The following SLC2A13 variants were observed in gnomAD, a reference collection of about 807,000 sequenced individuals.
The protein encoded by SLC2A13 is proton myo-inositol cotransporter.
Under a neutral mutation model 64.4 loss-of-function variants are expected in SLC2A13, and 32 were observed. That is an observed-to-expected ratio of 0.50 (90% CI 0.37 to 0.67). The LOEUF (loss-of-function observed/expected upper bound fraction) is 0.67, where lower values mean the gene tolerates loss of function less well. Among genes scored for constraint, SLC2A13 ranks in the 30% least tolerant of loss-of-function variants. The pLI, the probability that SLC2A13 is intolerant of heterozygous loss-of-function variation, is 0.00. For synonymous variants in SLC2A13, 338 were observed against 327.1 expected, an observed-to-expected ratio of 1.03 and a Z score of -0.36; for missense variants, 743 against 829.2, an observed-to-expected ratio of 0.90 and a Z score of 1.28.
At chr12:39,797,742 A>ATACGCG (rs1555237478) in intron 7 of SLC2A13, among the ~76,000 whole-genome samples, 1,774 of 122,778 alleles carry the variant, frequency 0.014, 28 homozygotes, top group East Asian at 0.035. Flanking sequence ...ACACACACAC[A>ATACGCG]CACACACACA....
intron 7 of SLC2A13, among the ~76,000 whole-genome samples, chr12:39,815,802 T>C (rs1382788423): frequency 6.6e-6 from 1 of 152,148 alleles, no homozygotes; most frequent in African/African-American, 2.4e-5. Context: ...ATAAATGTTG[T>C]TTTAGTTGTT....
intron 4 of SLC2A13, among the ~76,000 whole-genome samples, chr12:39,918,982 A>T (rs536061442): frequency 1.6e-4 from 24 of 148,880 alleles, no homozygotes; most frequent in Non-Finnish European, 2.7e-4. Flanking sequence ...ATATCTATAC[A>T]TTTTTTTTTT....
intron 1 of SLC2A13, among the ~76,000 whole-genome samples, chr12:40,089,918 G>A (rs1366834250): frequency 2.6e-5 from 4 of 152,004 alleles, no homozygotes; most frequent in Non-Finnish European, 5.9e-5. Context: ...AGGACTGAGC[G>A]CTTGATTGCA....
intron 1 of SLC2A13, among the ~76,000 whole-genome samples, chr12:40,083,077 T>A (rs1938467853): frequency 6.6e-6 from 1 of 152,158 alleles, no homozygotes; most frequent in African/African-American, 2.4e-5. Context: ...AATAGCAATT[T>A]TCAATAGCTA....
intron 7 of SLC2A13, among the ~76,000 whole-genome samples, chr12:39,779,414 T>G (rs895006552): frequency 1.3e-5 from 2 of 152,140 alleles, no homozygotes; most frequent in Non-Finnish European, 1.5e-5. Context: ...CTGGGTTTTT[T>G]GGGGGACTTT....
At chr12:39,943,836 T>C (rs1222546318) in intron 4 of SLC2A13, among the ~76,000 whole-genome samples, 1 of 152,132 alleles carries the variant, frequency 6.6e-6, no homozygotes, top group Non-Finnish European at 1.5e-5. Context: ...GGAGATTCCC[T>C]TGGGAGCCTA....
At chr12:40,018,340 ACC>A (rs1020389429) in intron 3 of SLC2A13, among the ~76,000 whole-genome samples, 43 of 152,308 alleles carry the variant, frequency 2.8e-4, no homozygotes, top group African/African-American at 9.6e-4. Flanking sequence ...AAGTTTGACA[ACC>A]CCTAGGATAA....
intron 3 of SLC2A13, among the ~76,000 whole-genome samples, chr12:40,010,583 T>C (rs1281985313): frequency 6.6e-6 from 1 of 152,198 alleles, no homozygotes; most frequent in East Asian, 1.9e-4. Flanking sequence ...ATAGAATCCA[T>C]CTAATTTTAA....
chr12:39,790,214 TTC>T (rs760612028), intron 7 of SLC2A13, among the ~76,000 whole-genome samples: 2,076 of 58,162 alleles, frequency 0.036, 38 homozygotes, highest in African/African-American at 0.098. Context: ...TGTTTTTTTT[TTC>T]TTCTTCTTCT....
chr12:39,928,538 C>G (rs1052163861), intron 4 of SLC2A13, among the ~76,000 whole-genome samples: 3 of 152,128 alleles, frequency 2.0e-5, no homozygotes, highest in Non-Finnish European at 2.9e-5. Flanking sequence ...AAATGCGTAA[C>G]TGGTTAAAAA....
At chr12:39,877,657 A>G (rs1944222861) in intron 4 of SLC2A13, among the ~76,000 whole-genome samples, 1 of 152,214 alleles carries the variant, frequency 6.6e-6, no homozygotes, top group Non-Finnish European at 1.5e-5. Context: ...GGACTTGTGG[A>G]AAGATACACT....
At chr12:39,894,295 A>G (rs1280135024) in intron 4 of SLC2A13, among the ~76,000 whole-genome samples, 1 of 152,210 alleles carries the variant, frequency 6.6e-6, no homozygotes, top group African/African-American at 2.4e-5. Context: ...ATTCTAATTC[A>G]CTGAGCACTG....
chr12:40,028,568 C>T, intron 2 of SLC2A13, 59 bp from the exon 3 acceptor site: 1 of 1,530,610 alleles, frequency 6.5e-7, no homozygotes, highest in African/African-American at 1.4e-5. Context: ...CATGTGCTCA[C>T]CACATACTTT....
At chr12:39,984,752 A>G (rs1946997692) in intron 3 of SLC2A13, among the ~76,000 whole-genome samples, 1 of 152,208 alleles carries the variant, frequency 6.6e-6, no homozygotes, top group African/African-American at 2.4e-5. Context: ...CGTCTTGATG[A>G]AAAATGGAGA....
intron 2 of SLC2A13, among the ~76,000 whole-genome samples, chr12:40,036,609 C>CA (rs1461144928): frequency 1.3e-5 from 2 of 152,122 alleles, no homozygotes; most frequent in Non-Finnish European, 2.9e-5. Flanking sequence ...TTAAAAAATT[C>CA]ATTCATATGG....
chr12:40,099,185 A>G (rs1288571014), intron 1 of SLC2A13, among the ~76,000 whole-genome samples: 1 of 152,144 alleles, frequency 6.6e-6, no homozygotes, highest in African/African-American at 2.4e-5. Flanking sequence ...TACATGTGGG[A>G]AAAGTTTGAG....
chr12:40,077,762 A>G (rs1329845194), intron 1 of SLC2A13, among the ~76,000 whole-genome samples: 2 of 152,184 alleles, frequency 1.3e-5, no homozygotes, highest in Non-Finnish European at 2.9e-5. Flanking sequence ...TTTAAACAAT[A>G]TTAACTTTTC....
intron 7 of SLC2A13, among the ~76,000 whole-genome samples, chr12:39,804,934 A>G (rs1941918982): frequency 7.4e-6 from 1 of 135,422 alleles, no homozygotes; most frequent in South Asian, 2.6e-4. Context: ...GAGAAAGAAA[A>G]CACTCTGCAG....
intron 3 of SLC2A13, among the ~76,000 whole-genome samples, chr12:40,004,372 C>T (rs544425665): frequency 6.6e-6 from 1 of 151,996 alleles, no homozygotes; most frequent in East Asian, 1.9e-4. Context: ...TTAGTAGAGA[C>T]AGGATTTCAC....
Sources: allele counts gnomAD v4.1 joint callset (sites outside exome capture counted in the v4.1 genomes callset), GRCh38; gene constraint gnomAD v4.1.1; transcripts MANE v1.5; gene names NCBI Gene and HGNC (gene_info 2026-07-23, HGNC 2026-07-21).